Variants in HIVEP2 observed in about 807,000 individuals in gnomAD.
HIVEP2 encodes HIVEP zinc finger 2.
Under a neutral mutation model 180.7 loss-of-function variants are expected in HIVEP2, and 14 were observed. The observed-to-expected ratio is 0.08, with a 90% CI of 0.05 to 0.12. The LOEUF (loss-of-function observed/expected upper bound fraction) is 0.12. HIVEP2 is among the 10% of genes least tolerant of loss of function. The probability of loss-of-function intolerance (pLI) is 1.00; values close to 1 mark genes in which losing one functional copy is unlikely to be tolerated. For missense variants in HIVEP2, 2,579 were observed against 3,008.5 expected, an observed-to-expected ratio of 0.86 and a Z score of 3.34; for synonymous variants, 1,184 against 1,136.4, an observed-to-expected ratio of 1.04 and a Z score of -0.84.
intron 2 of HIVEP2, among the ~76,000 whole-genome samples, chr6:142,831,531 A>G (rs1414040494): frequency 6.6e-6 from 1 of 152,180 alleles, no homozygotes; most frequent in Non-Finnish European, 1.5e-5. Context: ...TTTGTCCTGC[A>G]GTCAATGTCA....
At chr6:142,891,869 G>A (rs372842378) in intron 1 of HIVEP2, among the ~76,000 whole-genome samples, 5 of 152,096 alleles carry the variant, frequency 3.3e-5, no homozygotes, top group South Asian at 2.1e-4. Context: ...CTCCACAATC[G>A]AAAAACTGGA....
At chr6:142,765,999 T>C (rs961739196) in intron 6 of HIVEP2, among the ~76,000 whole-genome samples, 9 of 152,220 alleles carry the variant, frequency 5.9e-5, no homozygotes, top group Admixed American at 3.3e-4. Flanking sequence ...TAAACTGACA[T>C]GCAAAATGCC....
chr6:142,794,421 A>C (rs1037553297), intron 2 of HIVEP2, among the ~76,000 whole-genome samples: 3 of 152,194 alleles, frequency 2.0e-5, no homozygotes, highest in African/African-American at 7.2e-5. Context: ...AGCTCTGTGA[A>C]AAATGACAGA....
At chr6:142,861,619 T>C (rs1775980400) in intron 1 of HIVEP2, among the ~76,000 whole-genome samples, 1 of 152,190 alleles carries the variant, frequency 6.6e-6, no homozygotes, top group Admixed American at 6.5e-5. Context: ...ATATCCCAAA[T>C]TTAACACTCC....
intron 3 of HIVEP2, among the ~76,000 whole-genome samples, chr6:142,782,109 TA>T (rs955558686): frequency 3.2e-4 from 48 of 152,328 alleles, no homozygotes; most frequent in African/African-American, 1.1e-3. Flanking sequence ...AAAACATTTT[TA>T]AAAATGTAAA....
intron 3 of HIVEP2, among the ~76,000 whole-genome samples, chr6:142,782,031 C>T (rs576831976): frequency 6.6e-6 from 1 of 152,292 alleles, no homozygotes; most frequent in African/African-American, 2.4e-5. Context: ...ATAATGACAT[C>T]CTAAATAATG....
chr6:142,774,934 A>G lies in HIVEP2; in HGVS notation c.-196T>C, dbSNP rs530253494. ...GGGCATTAGCTAGTAATGTCCTTGG[A>G]CCAGGGCTATAACACAGTTCTCTCC... On this transcript the variant is annotated 5_prime_UTR_variant, in exon 5 of 10. Transcript: ENST00000367603. This position sits in a 1 kb window ranked among gnomAD's most constrained non-coding sequence, Gnocchi z 5.1. 32 of 1,434,932 alleles carry G rather than the reference A, an allele frequency of 2.2e-5. No individual in the cohort carries two copies. In the East Asian group the frequency reaches 7.4e-4, roughly 33 times the overall value. The allele number at this position is 1,434,932 out of a possible 1,614,324, so 88.9% of individuals were successfully genotyped here.
intron 3 of HIVEP2, among the ~76,000 whole-genome samples, chr6:142,779,750 A>G (rs888408184): frequency 6.6e-6 from 1 of 152,236 alleles, no homozygotes; most frequent in African/African-American, 2.4e-5. Flanking sequence ...TCACTTAGCA[A>G]TGAGGTAATA....
chr6:142,900,039 A>G (rs1405989823), intron 1 of HIVEP2, among the ~76,000 whole-genome samples: 1 of 152,230 alleles, frequency 6.6e-6, no homozygotes, highest in African/African-American at 2.4e-5. Flanking sequence ...AAACCTTAAT[A>G]TAATGTTAAC....
chr6:142,775,562 C>T (rs941815679), intron 4 of HIVEP2, among the ~76,000 whole-genome samples: 6 of 152,038 alleles, frequency 3.9e-5, no homozygotes, highest in East Asian at 1.9e-4. Context: ...TGTGGCCAGG[C>T]ATGGTGGCTC....
intron 1 of HIVEP2, among the ~76,000 whole-genome samples, chr6:142,883,228 T>C (rs115406156): frequency 0.012 from 1,865 of 152,112 alleles, 36 homozygotes; most frequent in African/African-American, 0.043. Context: ...GAGAAAAGAT[T>C]TGCATATGTA....
In HIVEP2 at chr6:142,809,531, T is replaced by C. The variant is rs188270371; in HGVS notation, c.-527-25916A>G. On this transcript the variant is annotated intron_variant, in intron 2 of 9. Coordinates refer to ENST00000367603, the MANE Select transcript of HIVEP2 (RefSeq NM_006734.4). ...ACACACTTGGCTCTTAATAAAGACT[T>C]CTTTGTAAGTACTTCATTTTAGAAG... Among the ~76,000 whole-genome samples the C allele has an allele frequency of 1.1e-3, 174 of 152,282 alleles. 1 individual carries two copies. Among genetic ancestry groups the C allele is most frequent in the Admixed American group, 2.4e-3 (37 of 15,288 alleles).
rs1164476561 is a variant in HIVEP2 at position 142,774,585 on chromosome 6, G to A, written c.154C>T (p.Pro52Ser). The stretch of plus-strand genomic sequence containing the variant: ...GATGCTGTGTTTCCGATTTGCTCAG[G>A]CTCTATTTGTGGTTGCCGCTGTCCT... Reference protein sequence around the residue: ...HEGQRQPQIEPEQIGNTASAQ... With the variant: ...HEGQRQPQIESEQIGNTASAQ... Residue 52 changes from proline (P) to serine (S), a missense_variant, in exon 5 of 10, where the codon CCT (proline) becomes TCT (serine). This residue lies in a region of HIVEP2 where 207 missense variants were observed against 210.1 expected (regional missense o/e 0.99). Coordinates refer to ENST00000367603, the MANE Select transcript of HIVEP2 (RefSeq NM_006734.4). This position sits in a 1 kb window ranked among gnomAD's most constrained non-coding sequence, Gnocchi z 5.1. 1.9e-6 allele frequency: 3 copies of A among 1,614,170 alleles called. No homozygotes were observed. Among genetic ancestry groups the A allele is most frequent in the Admixed American group, 3.3e-5 (2 of 60,020 alleles).
At chr6:142,888,824 C>T (rs1776776334) in intron 1 of HIVEP2, among the ~76,000 whole-genome samples, 1 of 152,184 alleles carries the variant, frequency 6.6e-6, no homozygotes, top group Non-Finnish European at 1.5e-5. Flanking sequence ...TAGTTTTACC[C>T]TTTAACCCAG....
chr6:142,819,754 G>C (rs886828162), intron 2 of HIVEP2, among the ~76,000 whole-genome samples: 1 of 152,182 alleles, frequency 6.6e-6, no homozygotes, highest in African/African-American at 2.4e-5. Flanking sequence ...GGGTTACACA[G>C]GATGTGAACA....
intron 1 of HIVEP2, among the ~76,000 whole-genome samples, chr6:142,932,646 G>GGATT (rs1262301984): frequency 4.6e-5 from 7 of 152,148 alleles, no homozygotes; most frequent in Non-Finnish European, 8.8e-5. Flanking sequence ...AATAATTGTA[G>GGATT]GATTGTCATG....
chr6:142,783,083 C>T (rs1386634039), intron 3 of HIVEP2, among the ~76,000 whole-genome samples: 4 of 152,074 alleles, frequency 2.6e-5, no homozygotes, highest in Admixed American at 2.0e-4. Flanking sequence ...CAGTGGCTCA[C>T]GCCTGTAATC....
At chr6:142,925,007 A>G (rs1777771520) in intron 1 of HIVEP2, among the ~76,000 whole-genome samples, 1 of 152,192 alleles carries the variant, frequency 6.6e-6, no homozygotes, top group Non-Finnish European at 1.5e-5. Flanking sequence ...GAGGCCACAT[A>G]GTTGGGTCCT....
rs535551296 is a variant in HIVEP2 at position 142,819,714 on chromosome 6, T to C, written c.-528+17221A>G. ...CATCCTGTGTGACCCTATGGGAAAA[T>C]TTTTAACTAATACTGGGGAAAATCC... On this transcript the variant is annotated intron_variant, in intron 2 of 9. Coordinates refer to ENST00000367603, the MANE Select transcript of HIVEP2 (RefSeq NM_006734.4). 9.9e-5 allele frequency among the ~76,000 whole-genome samples: 15 copies of C among 152,246 alleles called. No individual in the cohort carries two copies. The East Asian group carries it at 1.9e-3, about 20-fold the overall frequency.
Sources: gnomAD v4.1 joint callset for allele counts (sites outside exome capture counted in the v4.1 genomes callset) on GRCh38, gnomAD v4.1.1 for gene constraint, gnomAD v4.1.1 regional missense constraint, Gnocchi (gnomAD v3.1) non-coding constraint, MANE v1.5 for transcripts, NCBI Gene and HGNC (gene_info 2026-07-23, HGNC 2026-07-21) for gene names.